Variants in CFAP299 observed in about 807,000 individuals in gnomAD.
CFAP299 encodes the protein cilia and flagella associated protein 299, also known as cilia- and flagella-associated protein 299.
CFAP299 carries 21 observed loss-of-function variants against 27.0 expected under a neutral mutation model. The ratio of observed to expected loss-of-function variants is 0.78; its 90% CI spans 0.55 to 1.12. The LOEUF (loss-of-function observed/expected upper bound fraction) is 1.12, where lower values mean the gene tolerates loss of function less well. CFAP299 is among the 50% of genes most tolerant of loss of function. CFAP299 has a pLI of 0.00. For synonymous variants in CFAP299, 104 were observed against 98.1 expected (o/e 1.06, Z -0.36); for missense variants, 310 against 276.6 (o/e 1.12, Z -0.86).
chr4:80,623,750 G>A (rs76040785), intron 3 of CFAP299, among the ~76,000 whole-genome samples: 4,467 of 152,216 alleles, frequency 0.029, 232 homozygotes, highest in African/African-American at 0.1. Context: ...CCAACACAGT[G>A]TAACCCAGCA....
At chr4:80,820,758 A>G (rs1451770730) in intron 3 of CFAP299, among the ~76,000 whole-genome samples, 1 of 152,196 alleles carries the variant, frequency 6.6e-6, no homozygotes, top group Non-Finnish European at 1.5e-5. Context: ...CTCGCCTGCC[A>G]TATTGCCCAG....
At chr4:80,702,291 A>G (rs1721543176) in intron 3 of CFAP299, among the ~76,000 whole-genome samples, 1 of 151,854 alleles carries the variant, frequency 6.6e-6, no homozygotes, top group African/African-American at 2.4e-5. Context: ...TCATGAATCT[A>G]TACACAGTTT....
At chr4:80,885,740 G>T (rs925955831) in intron 4 of CFAP299, among the ~76,000 whole-genome samples, 6 of 152,206 alleles carry the variant, frequency 3.9e-5, no homozygotes, top group African/African-American at 1.4e-4. Flanking sequence ...ATGCTATGGG[G>T]CTTGGGCACT....
intron 1 of CFAP299, among the ~76,000 whole-genome samples, chr4:80,339,524 A>C (rs1260798412): frequency 6.6e-6 from 1 of 152,208 alleles, no homozygotes; most frequent in Non-Finnish European, 1.5e-5. Flanking sequence ...TAAGCTAGAG[A>C]GGAGTAAGGT....
intron 3 of CFAP299, among the ~76,000 whole-genome samples, chr4:80,847,969 GGAGGCT>G (rs929704080): frequency 1.3e-5 from 2 of 152,142 alleles, no homozygotes; most frequent in East Asian, 3.9e-4. Flanking sequence ...CAGCACTTTA[GGAGGCT>G]GAGGTGAGTG....
chr4:80,542,651 T>G (rs1034969533), intron 2 of CFAP299, among the ~76,000 whole-genome samples: 1 of 151,944 alleles, frequency 6.6e-6, no homozygotes, highest in Non-Finnish European at 1.5e-5. Context: ...TCTCTGCCAG[T>G]CCCTTCCAGA....
chr4:80,909,606 A>G (rs1157434976), intron 4 of CFAP299, among the ~76,000 whole-genome samples: 1 of 151,938 alleles, frequency 6.6e-6, no homozygotes, highest in Non-Finnish European at 1.5e-5. Flanking sequence ...CCTTTAAGAA[A>G]GTTTTCTTCT....
At chr4:80,929,454 G>A (rs1023301183) in intron 4 of CFAP299, among the ~76,000 whole-genome samples, 2 of 151,898 alleles carry the variant, frequency 1.3e-5, no homozygotes, top group African/African-American at 4.8e-5. Flanking sequence ...CAGTCTCTAT[G>A]GCATCACTAT....
At chr4:80,600,296 C>G (rs1453688566) in intron 3 of CFAP299, among the ~76,000 whole-genome samples, 1 of 152,082 alleles carries the variant, frequency 6.6e-6, no homozygotes, top group Admixed American at 6.6e-5. Context: ...TTTTCTCTTC[C>G]TCTACGTGAA....
chr4:80,589,788 C>G (rs530226804), intron 3 of CFAP299, among the ~76,000 whole-genome samples: 2 of 152,156 alleles, frequency 1.3e-5, no homozygotes, highest in East Asian at 3.9e-4. Context: ...TTAAAGAGAC[C>G]AGTTACTTCA....
intron 4 of CFAP299, among the ~76,000 whole-genome samples, chr4:80,925,383 A>G (rs544668454): frequency 9.2e-5 from 14 of 152,094 alleles, no homozygotes; most frequent in African/African-American, 3.1e-4. Flanking sequence ...CGCTACTACA[A>G]TGATCTCTGC....
At chr4:80,629,745 T>C (rs1739109474) in intron 3 of CFAP299, among the ~76,000 whole-genome samples, 1 of 151,836 alleles carries the variant, frequency 6.6e-6, no homozygotes, top group African/African-American at 2.4e-5. Flanking sequence ...CCAGGTATGA[T>C]GGTGTGCACC....
chr4:80,557,103 A>G (rs1734819659), intron 2 of CFAP299, among the ~76,000 whole-genome samples: 2 of 152,076 alleles, frequency 1.3e-5, no homozygotes, highest in Admixed American at 1.3e-4. Flanking sequence ...CAACACTTCA[A>G]GAAAGTCCTG....
At chr4:80,677,019 C>A (rs1362277100) in intron 3 of CFAP299, among the ~76,000 whole-genome samples, 1 of 151,676 alleles carries the variant, frequency 6.6e-6, no homozygotes, top group African/African-American at 2.4e-5. Context: ...TTTCTAAATT[C>A]TTTGAGGTTC....
intron 3 of CFAP299, among the ~76,000 whole-genome samples, chr4:80,592,591 G>A (rs937219723): frequency 4.6e-5 from 7 of 152,168 alleles, no homozygotes; most frequent in African/African-American, 9.7e-5. Context: ...ATAAAAATCA[G>A]TTGTCAGGAA....
chr4:80,887,940 G>C (rs1038831494), intron 4 of CFAP299, among the ~76,000 whole-genome samples: 1 of 151,910 alleles, frequency 6.6e-6, no homozygotes, highest in Non-Finnish European at 1.5e-5. Flanking sequence ...GTATATGCTA[G>C]CCTCATGGTA....
intron 2 of CFAP299, among the ~76,000 whole-genome samples, chr4:80,364,873 C>T (rs952093004): frequency 6.6e-6 from 1 of 152,172 alleles, no homozygotes; most frequent in Non-Finnish European, 1.5e-5. Flanking sequence ...TTTTCTGCTC[C>T]TGTGTAAGTT....
At chr4:80,754,148 G>A (rs1274213586) in intron 3 of CFAP299, among the ~76,000 whole-genome samples, 2 of 152,030 alleles carry the variant, frequency 1.3e-5, no homozygotes, top group African/African-American at 2.4e-5. Context: ...CTAGAAATTG[G>A]CATGCCTTTC....
intron 2 of CFAP299, among the ~76,000 whole-genome samples, chr4:80,526,626 G>T (rs1037242766): frequency 2.0e-4 from 31 of 151,876 alleles, no homozygotes; most frequent in African/African-American, 7.2e-4. Context: ...ATCAAATAAG[G>T]TATCTCCATT....
Sources: gnomAD v4.1 joint callset for allele counts (sites outside exome capture counted in the v4.1 genomes callset) on GRCh38, gnomAD v4.1.1 for gene constraint, MANE v1.5 for transcripts, NCBI Gene and HGNC (gene_info 2026-07-23, HGNC 2026-07-21) for gene names.